The following SEMA4F variants were observed in gnomAD, a reference collection of about 807,000 sequenced individuals.
The protein encoded by SEMA4F is semaphorin-4F.
In SEMA4F, 51 loss-of-function variants were observed where a neutral mutation model predicts 78.4. The observed-to-expected ratio is 0.65, with a 90% CI of 0.52 to 0.82. The LOEUF is 0.82. SEMA4F is among the 40% of genes least tolerant of loss of function. The pLI is 0.00. For missense variants in SEMA4F, 938 were observed against 1,014.4 expected (o/e 0.92, Z 1.02); for synonymous variants, 418 against 408.7 (o/e 1.02, Z -0.27).
At chr2:74,690,234 C>G in the SEMA4F span, among the ~76,000 whole-genome samples, 2 of 152,150 alleles carry the variant, frequency 1.3e-5, no homozygotes, top group Admixed American at 1.3e-4. Context: ...CAATGACAAC[C>G]AGTACTATCT....
the SEMA4F span, among the ~76,000 whole-genome samples, chr2:74,704,554 A>G: frequency 6.6e-6 from 1 of 151,970 alleles, no homozygotes; most frequent in Non-Finnish European, 1.5e-5. Context: ...CATGTAGAGT[A>G]TAGCACCAAT....
rs1349006233 is a variant in SEMA4F at position 74,654,354 on chromosome 2, C to T, written c.-23C>T. On this transcript the variant is annotated 5_prime_UTR_variant, in exon 1 of 14. Coordinates refer to ENST00000357877, the MANE Select transcript of SEMA4F (RefSeq NM_004263.5). ...AGCAGAGGCCGTAGCTTGCGCCGCA[C>T]CCGCGGCCAGGCGGAGCCAAAGATG... 3 of 1,468,248 alleles carry T rather than the reference C, an allele frequency of 2.0e-6. No homozygotes were observed. Among genetic ancestry groups the T allele is most frequent in the South Asian group, 1.3e-5 (1 of 75,124 alleles). 91.0% of individuals were successfully genotyped at this position (1,468,248 alleles called of 1,614,324 possible). A position where few individuals can be genotyped will look rare whatever the true frequency, so the allele number is the denominator to read the frequency against.
intron 4 of SEMA4F, 38 bp downstream of exon 4, chr2:74,657,989 G>T: frequency 6.4e-7 from 1 of 1,570,626 alleles, no homozygotes; most frequent in Middle Eastern, 1.7e-4. Flanking sequence ...GAGGGTGCCT[G>T]CACCAGTGTG....
At chr2:74,707,383 C>T in the SEMA4F span, among the ~76,000 whole-genome samples, 1 of 152,062 alleles carries the variant, frequency 6.6e-6, no homozygotes, top group Admixed American at 6.6e-5. Flanking sequence ...ATCCATCTAT[C>T]CAACTATCTA....
rs531847457 is a variant in SEMA4F at position 74,679,161 on chromosome 2, T to C, written c.1644-115T>C. 2.6e-4 allele frequency: 226 copies of C among 867,896 alleles called. 2 individuals are homozygous for C. In the African/African-American group the frequency reaches 3.4e-3, roughly 13 times the overall value. The allele number at this position is 867,896 out of a possible 1,614,324, so 53.8% of individuals were successfully genotyped here. On this transcript the variant is annotated intron_variant, in intron 12 of 13. Transcript: ENST00000357877. Reference sequence around the variant, plus strand: ...GAGGAGAAACTTGACTGATAATTTCTGGAGTGATTTCTGGGATGATGGGAG... The same window carrying C: ...GAGGAGAAACTTGACTGATAATTTCCGGAGTGATTTCTGGGATGATGGGAG...
chr2:74,705,132 A>G, the SEMA4F span, among the ~76,000 whole-genome samples: 1 of 152,240 alleles, frequency 6.6e-6, no homozygotes, highest in Admixed American at 6.5e-5. Flanking sequence ...AAATTAAAAT[A>G]ACAATTAAAT....
At chr2:74,668,085 T>A (rs542319762) in intron 5 of SEMA4F, among the ~76,000 whole-genome samples, 1 of 152,336 alleles carries the variant, frequency 6.6e-6, no homozygotes, top group Admixed American at 6.5e-5. Context: ...AGTGCCATAC[T>A]CACTCAGGTA....
rs199572929 is a variant in SEMA4F at position 74,677,435 on chromosome 2, TA to T, written c.1643+1535del. On this transcript the variant is annotated intron_variant, in intron 12 of 13. Coordinates refer to ENST00000357877, the MANE Select transcript of SEMA4F (RefSeq NM_004263.5). Reference sequence around the variant, plus strand: ...CCGTATCTCTAACATACAAGGGCTTTAAAAAAAAACCATATTACCATTATCA... The same window carrying T: ...CCGTATCTCTAACATACAAGGGCTTTAAAAAAAACCATATTACCATTATCA... Among the ~76,000 whole-genome samples the T allele has an allele frequency of 1.1e-3, 164 of 151,524 alleles. 1 individual carries two copies. In the East Asian group the frequency reaches 0.024, roughly 22 times the overall value.
At chr2:74,698,140 A>G in the SEMA4F span, among the ~76,000 whole-genome samples, 63 of 152,376 alleles carry the variant, frequency 4.1e-4, 1 homozygote, top group African/African-American at 1.3e-3. Flanking sequence ...TCCCCAAAGA[A>G]GAACCCTCTA....
the SEMA4F span, among the ~76,000 whole-genome samples, chr2:74,690,031 A>T: frequency 6.6e-6 from 1 of 152,130 alleles, no homozygotes; most frequent in Non-Finnish European, 1.5e-5. Flanking sequence ...CCACGCACAG[A>T]ATTACCCTGC....
chr2:74,695,291 A>G, the SEMA4F span, among the ~76,000 whole-genome samples: 2 of 152,108 alleles, frequency 1.3e-5, no homozygotes, highest in African/African-American at 2.4e-5. Context: ...GAGCTCCTCT[A>G]TCCTCCTTGA....
chr2:74,656,577 C>A lies in SEMA4F; in HGVS notation c.189C>A (p.Tyr63Ter), dbSNP rs774170006. 2.8e-5 allele frequency: 46 copies of A among 1,614,066 alleles called. No homozygotes were observed. Among genetic ancestry groups the A allele is most frequent in the Non-Finnish European group, 3.8e-5 (45 of 1,180,020 alleles). ...CLTRFAVPHT[Y>*]NYSVLLVDPA... ...CCCGGTTCGCAGTCCCTCACACATA[C>A]AATTACTCTGTTCTCCTTGTGGATC... Residue 63 changes from tyrosine (Y) to a stop codon, truncating the protein, a stop_gained, in exon 2 of 14, where the codon TAC becomes TAA. Coordinates refer to ENST00000357877, the MANE Select transcript of SEMA4F (RefSeq NM_004263.5). LOFTEE classifies it high-confidence loss of function.
the SEMA4F span, among the ~76,000 whole-genome samples, chr2:74,698,602 G>A: frequency 6.6e-6 from 1 of 152,146 alleles, no homozygotes; most frequent in African/African-American, 2.4e-5. Flanking sequence ...ATCTCGTTAG[G>A]TTTGTTGAAA....
the SEMA4F span, among the ~76,000 whole-genome samples, chr2:74,690,155 C>T: frequency 8.3e-4 from 126 of 152,296 alleles, no homozygotes; most frequent in African/African-American, 2.8e-3. Context: ...CATTCTCCCC[C>T]GCAGCAAAGA....
rs541125481 is a variant in SEMA4F at position 74,658,022 on chromosome 2, A to G, written c.456+71A>G. ...GTGAGTTACTTGGGGTGGTGGTGGG[A>G]GGATGGGAAGGGTTTTCTGTGAGCG... On this transcript the variant is annotated intron_variant, in intron 4 of 13. Coordinates refer to ENST00000357877, the MANE Select transcript of SEMA4F (RefSeq NM_004263.5). This position sits in a 1 kb window ranked among gnomAD's most constrained non-coding sequence, Gnocchi z 4.3. 1.1e-4 allele frequency: 146 copies of G among 1,389,768 alleles called. No homozygotes were observed. In the African/African-American group the frequency reaches 1.7e-3, roughly 17 times the overall value. The allele number at this position is 1,389,768 out of a possible 1,614,324, so 86.1% of individuals were successfully genotyped here. A position where few individuals can be genotyped will look rare whatever the true frequency, so the allele number is the denominator to read the frequency against.
At chr2:74,686,230 G>T (rs186193160), downstream of SEMA4F, among the ~76,000 whole-genome samples, 2,519 of 152,104 alleles carry the variant, frequency 0.017, 39 homozygotes, top group Middle Eastern at 0.027. Context: ...CTCCCGAGTA[G>T]CTGGGACTAC....
In SEMA4F at chr2:74,679,914, C is replaced by G; in HGVS notation, c.2018C>G (p.Ala673Gly). Residue 673 changes from alanine to glycine, a missense_variant, in exon 14 of 14, where the codon GCA becomes GGA. Ala to Gly is a moderately conservative substitution (Grantham distance 60). Transcript: ENST00000357877. The part of the protein sequence containing the change: ...LAGFFLGILA[A>G]SLTLILIGRR... ...GGCTTCTTCTTGGGGATTCTCGCAG[C>G]ATCCCTGACTCTCATTCTGATTGGT... 1 of 1,614,230 alleles carries G rather than the reference C, an allele frequency of 6.2e-7. No homozygotes were observed.
downstream of SEMA4F, among the ~76,000 whole-genome samples, chr2:74,687,142 T>A (rs1685841244): frequency 6.6e-6 from 1 of 152,218 alleles, no homozygotes; most frequent in Non-Finnish European, 1.5e-5. Flanking sequence ...CTATCTAAAC[T>A]ATTTTTACTT....
chr2:74,657,489 A>G lies in SEMA4F; in HGVS notation c.298-76A>G, dbSNP rs1307015023. On this transcript the variant is annotated intron_variant, in intron 2 of 13. Coordinates refer to ENST00000357877, the MANE Select transcript of SEMA4F (RefSeq NM_004263.5). ...CCCAAATTGATGGAGGTTATAGAAC[A>G]GTTTAATCTCCTCTAACATCGAGGG... 4.3e-6 allele frequency: 6 copies of G among 1,395,428 alleles called. No individual in the cohort carries two copies. In the East Asian group the frequency reaches 1.4e-4, roughly 32 times the overall value. 86.4% of individuals were successfully genotyped at this position (1,395,428 alleles called of 1,614,324 possible).
Sources: allele counts gnomAD v4.1 joint callset (sites outside exome capture counted in the v4.1 genomes callset), GRCh38; gene constraint gnomAD v4.1.1; non-coding constraint Gnocchi (gnomAD v3.1); transcripts MANE v1.5; gene names NCBI Gene and HGNC (gene_info 2026-07-23, HGNC 2026-07-21).